Variants in TRHDE observed in about 807,000 individuals in gnomAD.
TRHDE encodes the protein thyrotropin-releasing hormone-degrading ectoenzyme.
A neutral mutation model predicts 125.7 loss-of-function variants in TRHDE; 72 were observed. That is an observed-to-expected ratio of 0.57 (90% CI 0.47 to 0.70). The LOEUF (loss-of-function observed/expected upper bound fraction) is 0.70, where lower values mean the gene tolerates loss of function less well. TRHDE is among the 30% of genes least tolerant of loss of function. The probability of loss-of-function intolerance (pLI) is 0.00; values close to 1 mark genes in which losing one functional copy is unlikely to be tolerated. For missense variants in TRHDE, 1,110 were observed against 1,327.1 expected (o/e 0.84, Z 2.54); for synonymous variants, 509 against 509.1 (o/e 1.00, Z 0.00).
intron 2 of TRHDE, among the ~76,000 whole-genome samples, chr12:72,292,499 T>A (rs866098818): frequency 3.3e-5 from 5 of 152,232 alleles, no homozygotes; most frequent in Non-Finnish European, 5.9e-5. Flanking sequence ...AGGTGGCACT[T>A]TGAGTGTTTT....
At chr12:72,566,709 C>G (rs749980295) in intron 9 of TRHDE, among the ~76,000 whole-genome samples, 2 of 151,894 alleles carry the variant, frequency 1.3e-5, no homozygotes, top group Non-Finnish European at 2.9e-5. Flanking sequence ...TAAATGTCCT[C>G]AATTTTCTAT....
rs530527380 is a variant in TRHDE at position 72,633,507 on chromosome 12, G to A, written c.2675+11756G>A. Among the ~76,000 whole-genome samples the A allele has an allele frequency of 7.2e-5, 11 of 152,114 alleles. No homozygotes were observed. The East Asian group carries it at 1.7e-3, about 24-fold the overall frequency. ...CCTATTTCTTTTGGTTATACTTAAG[G>A]TTCAGTGGGAATGCAAATGCTGTTT... On this transcript the variant is annotated intron_variant, in intron 15 of 18. Coordinates refer to ENST00000261180, the MANE Select transcript of TRHDE (RefSeq NM_013381.3).
intron 12 of TRHDE, among the ~76,000 whole-genome samples, chr12:72,602,364 A>G (rs1257110933): frequency 6.6e-6 from 1 of 152,212 alleles, no homozygotes; most frequent in Non-Finnish European, 1.5e-5. Flanking sequence ...AAGGATTCTG[A>G]GAAAATATGA....
intron 2 of TRHDE, among the ~76,000 whole-genome samples, chr12:72,166,971 G>C (rs554295617): frequency 1.4e-5 from 2 of 147,554 alleles, no homozygotes; most frequent in East Asian, 2.1e-4. Flanking sequence ...ATGGGCAATA[G>C]CTAATGGCTA....
intron 2 of TRHDE, among the ~76,000 whole-genome samples, chr12:72,353,612 A>T (rs981213762): frequency 1.3e-5 from 2 of 151,632 alleles, no homozygotes; most frequent in South Asian, 4.1e-4. Flanking sequence ...TGAGTCACAG[A>T]GCAGTTAATA....
rs530122563 is a variant in TRHDE, at chr12:72,097,066, G to A, written n.175-8582G>A. ...ATCATATGCCCACCTTCATACCTGA[G>A]TTTGGATTGTTCTCTATCAACCCAC... On this transcript the variant is annotated intron_variant and non_coding_transcript_variant, in intron 1 of 4. Coordinates refer to the TRHDE transcript ENST00000548156. Among the ~76,000 whole-genome samples the A allele has an allele frequency of 3.3e-5, 5 of 152,302 alleles. No individual in the cohort carries two copies. The East Asian group carries it at 7.7e-4, about 24-fold the overall frequency.
chr12:72,575,961 A>G (rs1870975258), intron 12 of TRHDE, among the ~76,000 whole-genome samples: 1 of 152,190 alleles, frequency 6.6e-6, no homozygotes, highest in East Asian at 1.9e-4. Context: ...TTATGCTGCA[A>G]AACAGAATTA....
intron 12 of TRHDE, among the ~76,000 whole-genome samples, chr12:72,575,980 A>C (rs1565796425): frequency 6.6e-6 from 1 of 152,172 alleles, no homozygotes; most frequent in Non-Finnish European, 1.5e-5. Context: ...TAAATATTCC[A>C]CTGGGTAAGA....
At chr12:72,218,874 T>C (rs1368298699) in intron 2 of TRHDE, among the ~76,000 whole-genome samples, 1 of 152,180 alleles carries the variant, frequency 6.6e-6, no homozygotes, top group Non-Finnish European at 1.5e-5. Context: ...CTAAGATGCT[T>C]TCTCCAAATA....
chr12:72,225,099 A>G (rs1036173006), intron 2 of TRHDE, among the ~76,000 whole-genome samples: 2 of 152,174 alleles, frequency 1.3e-5, no homozygotes, highest in Non-Finnish European at 2.9e-5. Context: ...TTCCTGGCAA[A>G]TAATAATATA....
At chr12:72,550,031 T>C (rs1416434022) in intron 7 of TRHDE, among the ~76,000 whole-genome samples, 1 of 151,912 alleles carries the variant, frequency 6.6e-6, no homozygotes, top group East Asian at 1.9e-4. Context: ...CATAAATTTA[T>C]ATTTATTGGT....
At chr12:72,208,285 A>G (rs1320617037) in intron 2 of TRHDE, among the ~76,000 whole-genome samples, 1 of 152,126 alleles carries the variant, frequency 6.6e-6, no homozygotes, top group African/African-American at 2.4e-5. Flanking sequence ...AACCTAAAAC[A>G]AGAGTCCTTC....
Position 72,637,564 on chromosome 12 carries a change from G to C in TRHDE, c.2676-14758G>C, listed in dbSNP as rs377502107. 1.7e-4 allele frequency among the ~76,000 whole-genome samples: 26 copies of C among 151,798 alleles called. No individual in the cohort carries two copies. The South Asian group carries it at 4.2e-3, about 25-fold the overall frequency. ...CTGCTAGCTTTTGAATGTGTTTGCT[G>C]TTGCTTTTCTAGTTCTTTTAATTGT... is the stretch of plus-strand genomic sequence containing the variant. On this transcript the variant is annotated intron_variant, in intron 15 of 18. Transcript: ENST00000261180.
intron 2 of TRHDE, among the ~76,000 whole-genome samples, chr12:72,294,090 A>G (rs1880195367): frequency 6.6e-6 from 1 of 152,260 alleles, no homozygotes; most frequent in African/African-American, 2.4e-5. Context: ...GGCCCCAAAG[A>G]GGGAGTCACA....
intron 2 of TRHDE, among the ~76,000 whole-genome samples, chr12:72,260,364 G>A (rs1592503743): frequency 6.9e-6 from 1 of 144,152 alleles, no homozygotes; most frequent in African/African-American, 2.7e-5. Context: ...ACTTTTTTTT[G>A]GTAGGTAATC....
Position 72,280,051 on chromosome 12 carries a change from C to T in TRHDE, c.914+6494C>T, listed in dbSNP as rs373333516. ...AAAAAATAGTTCACTTTTGTTGTGT[C>T]GCTGGATGGAAAAGTGTGTGTGTAT... On this transcript the variant is annotated intron_variant, in intron 1 of 18. Transcript: ENST00000261180. Among the ~76,000 whole-genome samples, 15 of 152,132 alleles carry T rather than the reference C, an allele frequency of 9.9e-5. No homozygotes were observed. The East Asian group carries it at 1.9e-3, about 20-fold the overall frequency.
intron 13 of TRHDE, among the ~76,000 whole-genome samples, chr12:72,620,843 T>C (rs1873023874): frequency 6.6e-6 from 1 of 152,158 alleles, no homozygotes; most frequent in Admixed American, 6.6e-5. Flanking sequence ...AGTCATCATC[T>C]AAAATATTTA....
chr12:72,544,704 G>T (rs1344549606), intron 7 of TRHDE, among the ~76,000 whole-genome samples: 1 of 150,960 alleles, frequency 6.6e-6, no homozygotes, highest in Non-Finnish European at 1.5e-5. Flanking sequence ...TGCAATTTAT[G>T]TATCCTTACG....
intron 2 of TRHDE, among the ~76,000 whole-genome samples, chr12:72,251,756 G>T (rs572118114): frequency 7.2e-5 from 11 of 152,118 alleles, no homozygotes; most frequent in African/African-American, 1.9e-4. Context: ...TTCCCAGTGT[G>T]GCTGTACCTC....
Sources: allele counts gnomAD v4.1 joint callset (sites outside exome capture counted in the v4.1 genomes callset), GRCh38; gene constraint gnomAD v4.1.1; transcripts MANE v1.5; gene names NCBI Gene and HGNC (gene_info 2026-07-23, HGNC 2026-07-21).